Variants in MAP2K6 observed in about 807,000 individuals in gnomAD.
MAP2K6 encodes mitogen-activated protein kinase kinase 6.
MAP2K6 carries 16 observed loss-of-function variants against 53.7 expected under a neutral mutation model. The ratio of observed to expected loss-of-function variants is 0.30; its 90% CI spans 0.20 to 0.45. The LOEUF is 0.45. Ranked by LOEUF, MAP2K6 falls within the 20% of genes least tolerant of loss-of-function variation. MAP2K6 has a pLI of 1.00. For synonymous variants in MAP2K6, 132 were observed against 143.1 expected (o/e 0.92, Z 0.55); for missense variants, 204 against 411.9 (o/e 0.50, Z 4.37).
At chr17:69,503,643 T>G (rs543176881) in intron 1 of MAP2K6, among the ~76,000 whole-genome samples, 1 of 152,196 alleles carries the variant, frequency 6.6e-6, no homozygotes, top group Non-Finnish European at 1.5e-5. Context: ...TCTGAAGGAA[T>G]TGAAAAATTT....
chr17:69,537,114 C>G (rs1040883620), intron 11 of MAP2K6, among the ~76,000 whole-genome samples: 22 of 144,992 alleles, frequency 1.5e-4, no homozygotes, highest in Admixed American at 6.2e-4. Flanking sequence ...AAACAAAACT[C>G]TGGTAACTAC....
At chr17:69,441,510 G>A (rs1480170601) in intron 1 of MAP2K6, among the ~76,000 whole-genome samples, 1 of 152,106 alleles carries the variant, frequency 6.6e-6, no homozygotes, top group South Asian at 2.1e-4. Flanking sequence ...TCTTTGCTGA[G>A]ATGTCCTCTT....
chr17:69,491,179 T>C (rs1908738112), intron 1 of MAP2K6, among the ~76,000 whole-genome samples: 1 of 147,394 alleles, frequency 6.8e-6, no homozygotes, highest in Non-Finnish European at 1.5e-5. Context: ...AGTCTCACTC[T>C]ATCGCCCAGG....
chr17:69,473,443 G>C (rs1288313990), intron 1 of MAP2K6, among the ~76,000 whole-genome samples: 3 of 152,172 alleles, frequency 2.0e-5, no homozygotes, highest in Non-Finnish European at 4.4e-5. Context: ...TGGCTGTAAA[G>C]TAATACACCA....
chr17:69,471,075 A>G (rs970508239), intron 1 of MAP2K6, among the ~76,000 whole-genome samples: 2 of 152,256 alleles, frequency 1.3e-5, no homozygotes, highest in Non-Finnish European at 2.9e-5. Context: ...CATTGCAGGT[A>G]AATTAATTGA....
chr17:69,528,435 C>T (rs1022413405), intron 10 of MAP2K6, among the ~76,000 whole-genome samples: 2 of 152,158 alleles, frequency 1.3e-5, no homozygotes, highest in Non-Finnish European at 2.9e-5. Flanking sequence ...GTGGTAGTAC[C>T]TCTGCCAGGT....
intron 4 of MAP2K6, among the ~76,000 whole-genome samples, chr17:69,518,198 T>TTAATAA (rs71144699): frequency 5.4e-4 from 81 of 149,572 alleles, no homozygotes; most frequent in South Asian, 1.3e-3. Context: ...TCAAATAATA[T>TTAATAA]TAATAATAAT....
At chr17:69,449,478 G>A (rs1037324595) in intron 1 of MAP2K6, among the ~76,000 whole-genome samples, 3 of 121,774 alleles carry the variant, frequency 2.5e-5, no homozygotes, top group African/African-American at 8.7e-5. Flanking sequence ...GTCCTCTGAG[G>A]TGTTGGTTGT....
At position 69,552,418 on chromosome 17, in the gene MAP2K6, T is replaced by C. The variant is rs1912138361; in HGVS notation, c.*10665T>C. 1 of 152,284 alleles carries C rather than the reference T, an allele frequency of 6.6e-6. No individual in the cohort carries two copies. Among genetic ancestry groups the C allele is most frequent in the South Asian group, 2.1e-4 (1 of 4,836 alleles). 9.4% of individuals were successfully genotyped at this position (152,284 alleles called of 1,614,324 possible). A position where few individuals can be genotyped will look rare whatever the true frequency, so the allele number is the denominator to read the frequency against. ...CCCTCATTGAGGCTCCCATCTTTCC[T>C]GCCAGGTGCAGCTTTTTCTGGTTGG... On this transcript the variant is annotated 3_prime_UTR_variant, in exon 12 of 12. Transcript: ENST00000590474.
chr17:69,472,593 G>A (rs1387415016), intron 1 of MAP2K6, among the ~76,000 whole-genome samples: 1 of 152,136 alleles, frequency 6.6e-6, no homozygotes, highest in Non-Finnish European at 1.5e-5. Context: ...ACCCTGAGAC[G>A]GGATGGCATC....
intron 1 of MAP2K6, among the ~76,000 whole-genome samples, chr17:69,484,554 A>T (rs58982322): frequency 0.025 from 3,854 of 152,192 alleles, 163 homozygotes; most frequent in African/African-American, 0.087. Context: ...TTACTGTTGG[A>T]CCTAGCAATT....
chr17:69,453,907 G>A (rs1308115546), intron 1 of MAP2K6, among the ~76,000 whole-genome samples: 3 of 152,180 alleles, frequency 2.0e-5, no homozygotes, highest in Non-Finnish European at 2.9e-5. Flanking sequence ...GGATTCCAAT[G>A]TGCAGCCAAG....
chr17:69,428,852 G>GTTTTTT (rs1567814754), intron 1 of MAP2K6, among the ~76,000 whole-genome samples: 1 of 102,358 alleles, frequency 9.8e-6, no homozygotes, highest in Non-Finnish European at 1.9e-5. Context: ...CCTTTCTTCT[G>GTTTTTT]TTTTTGTTTT....
rs1229180764 is a variant in MAP2K6 at position 69,552,763 on chromosome 17, T to C, written c.*11010T>C. On this transcript the variant is annotated 3_prime_UTR_variant, in exon 12 of 12. Coordinates refer to ENST00000590474, the MANE Select transcript of MAP2K6 (RefSeq NM_002758.4). ...AAAATACCTGTTTTGTGGGACAGCA[T>C]GCCTTTGTTTTCTTTGCCTGTTGGC... 1 of 152,242 alleles carries C rather than the reference T, an allele frequency of 6.6e-6. No homozygotes were observed. The highest frequency in any genetic ancestry group is 1.5e-5 in the Non-Finnish European group (1 of 68,046). 9.4% of individuals were successfully genotyped at this position (152,242 alleles called of 1,614,324 possible). A position where few individuals can be genotyped will look rare whatever the true frequency, so the allele number is the denominator to read the frequency against.
At chr17:69,478,215 C>T (rs753838819) in intron 1 of MAP2K6, among the ~76,000 whole-genome samples, 1 of 152,210 alleles carries the variant, frequency 6.6e-6, no homozygotes, top group African/African-American at 2.4e-5. Flanking sequence ...GAGCTATAGA[C>T]AACTTCTCCA....
chr17:69,424,706 TG>T (rs1428056812), intron 1 of MAP2K6, among the ~76,000 whole-genome samples: 3 of 152,240 alleles, frequency 2.0e-5, no homozygotes, highest in Non-Finnish European at 2.9e-5. Flanking sequence ...TGGATAGATT[TG>T]GGCATACCAG....
At chr17:69,466,521 TC>T (rs1907814526) in intron 1 of MAP2K6, among the ~76,000 whole-genome samples, 1 of 152,202 alleles carries the variant, frequency 6.6e-6, no homozygotes, top group Non-Finnish European at 1.5e-5. Context: ...CTTGGCCCAT[TC>T]CTTTCTGGAA....
Position 69,542,326 on chromosome 17 carries a change from A to C in MAP2K6, c.*573A>C, listed in dbSNP as rs1053132150. ...TGAGAATATTATAAAAATATCAAAAAGGAGCTCTTCTTGTGAAATGTCTGT... is the reference window on the plus strand; with the variant it reads ...TGAGAATATTATAAAAATATCAAAACGGAGCTCTTCTTGTGAAATGTCTGT... On this transcript the variant is annotated 3_prime_UTR_variant, in exon 12 of 12. Coordinates refer to ENST00000590474, the MANE Select transcript of MAP2K6 (RefSeq NM_002758.4). 2.0e-5 allele frequency: 3 copies of C among 152,644 alleles called. No individual in the cohort carries two copies. Among genetic ancestry groups the C allele is most frequent in the Non-Finnish European group, 4.4e-5 (3 of 68,042 alleles). 9.5% of individuals were successfully genotyped at this position (152,644 alleles called of 1,614,324 possible).
Position 69,490,078 on chromosome 17 carries a change from C to T in MAP2K6, c.17-15702C>T, listed in dbSNP as rs567799580. Among the ~76,000 whole-genome samples, 12 of 152,222 alleles carry T rather than the reference C, an allele frequency of 7.9e-5. No individual in the cohort carries two copies. The South Asian group carries it at 1.0e-3, about 13-fold the overall frequency. Reference sequence around the variant, plus strand: ...GCCATATATTTTCTATTATTTTGGCCGCGGTTTCTTTACCCTCTTGTTTCT... The same window carrying T: ...GCCATATATTTTCTATTATTTTGGCTGCGGTTTCTTTACCCTCTTGTTTCT... On this transcript the variant is annotated intron_variant, in intron 1 of 11. Transcript: ENST00000590474.
Sources: allele counts gnomAD v4.1 joint callset (sites outside exome capture counted in the v4.1 genomes callset), GRCh38; gene constraint gnomAD v4.1.1; transcripts MANE v1.5; gene names NCBI Gene and HGNC (gene_info 2026-07-23, HGNC 2026-07-21).